Variants in DHX40 observed in about 807,000 individuals in gnomAD.
DHX40 encodes the protein DEAH-box helicase 40.
In DHX40, 28 loss-of-function variants were observed where a neutral mutation model predicts 89.6. The ratio of observed to expected loss-of-function variants is 0.31; its 90% CI spans 0.23 to 0.43. The LOEUF (loss-of-function observed/expected upper bound fraction) is 0.43. DHX40 is among the 20% of genes least tolerant of loss of function. The pLI, the probability that DHX40 is intolerant of heterozygous loss-of-function variation, is 1.00. For synonymous variants in DHX40, 226 were observed against 283.6 expected, an observed-to-expected ratio of 0.80 and a Z score of 2.04; for missense variants, 457 against 844.0, an observed-to-expected ratio of 0.54 and a Z score of 5.68.
rs2030770849 is a variant in DHX40, at chr17:59,605,243, A to G, written c.1971+59A>G. On this transcript the variant is annotated intron_variant, in intron 16 of 17. Transcript: ENST00000251241. The stretch of plus-strand genomic sequence containing the variant: ...TTGTAAAGTTGTAGAAATAAGTAAT[A>G]TACAAATGTCTTCTACTTTTCACTT... 19 of 1,507,630 alleles carry G rather than the reference A, an allele frequency of 1.3e-5. No individual in the cohort carries two copies. In the South Asian group the frequency reaches 2.2e-4, roughly 17 times the overall value. 93.4% of individuals were successfully genotyped at this position (1,507,630 alleles called of 1,614,324 possible).
chr17:59,607,013 T>G lies in DHX40; in HGVS notation c.2201-20T>G. Reference sequence around the variant, plus strand: ...AATCTCAAAGCTAAGTTTTATTGGATTAATTTGTAATGTTTTCAGATGGAA... The same window carrying G: ...AATCTCAAAGCTAAGTTTTATTGGAGTAATTTGTAATGTTTTCAGATGGAA... On this transcript the variant is annotated intron_variant, in intron 17 of 17. Transcript: ENST00000251241. 2 of 1,602,248 alleles carry G rather than the reference T, an allele frequency of 1.2e-6. No homozygotes were observed. The highest frequency in any genetic ancestry group is 1.3e-5 in the African/African-American group (1 of 74,368).
At chr17:59,591,872 T>C (rs573756968) in intron 12 of DHX40, among the ~76,000 whole-genome samples, 42 of 151,818 alleles carry the variant, frequency 2.8e-4, no homozygotes, top group African/African-American at 1.0e-3. Context: ...ATTCGGAAAT[T>C]GTTTTGTTTT....
chr17:59,600,133 T>A (rs1197448302), intron 14 of DHX40, among the ~76,000 whole-genome samples: 7 of 152,088 alleles, frequency 4.6e-5, no homozygotes, highest in Non-Finnish European at 1.0e-4. Flanking sequence ...CTCATTCCCT[T>A]TCATAATCCA....
intron 15 of DHX40, chr17:59,603,330 C>T (rs562104529): frequency 6.6e-6 from 1 of 152,132 alleles, no homozygotes; most frequent in South Asian, 2.1e-4. Flanking sequence ...TGTATATATG[C>T]CCTAGCTCTG....
chr17:59,601,391 G>A (rs951302209), intron 14 of DHX40, among the ~76,000 whole-genome samples: 3 of 151,974 alleles, frequency 2.0e-5, no homozygotes, highest in Non-Finnish European at 4.4e-5. Context: ...GTTTCGTTAT[G>A]AGTGTTTTCT....
chr17:59,575,523 G>A (rs2048868897), intron 7 of DHX40, 52 bp downstream of exon 7: 3 of 1,583,818 alleles, frequency 1.9e-6, no homozygotes. Flanking sequence ...ACTTTTTATT[G>A]AATAATCGTG....
In DHX40 at chr17:59,565,636, C is replaced by T. The variant is rs916516711; in HGVS notation, c.-36C>T. 5 of 1,569,902 alleles carry T rather than the reference C, an allele frequency of 3.2e-6. No homozygotes were observed. The African/African-American group carries it at 4.0e-5, about 13-fold the overall frequency. On this transcript the variant is annotated 5_prime_UTR_variant, in exon 1 of 18. Transcript: ENST00000251241. ...TCTTTCCCCTCCCATCTCCTCAGATCGGTGGACGTGCTCGCCTCCACTCGG... is the reference window on the plus strand; with the variant it reads ...TCTTTCCCCTCCCATCTCCTCAGATTGGTGGACGTGCTCGCCTCCACTCGG...
At chr17:59,583,613 G>A (rs1436554428) in intron 10 of DHX40, among the ~76,000 whole-genome samples, 1 of 142,238 alleles carries the variant, frequency 7.0e-6, no homozygotes, top group African/African-American at 2.4e-5. Flanking sequence ...GGGTGCGGTG[G>A]CTCACGCCTG....
intron 14 of DHX40, among the ~76,000 whole-genome samples, chr17:59,599,885 G>T (rs1194305196): frequency 2.0e-5 from 3 of 148,438 alleles, no homozygotes; most frequent in Admixed American, 6.7e-5. Context: ...GTGCAGTGGC[G>T]TGATCTCGGC....
At position 59,607,356 on chromosome 17, in the gene DHX40, A is replaced by G; in HGVS notation, c.*184A>G. ...CAGTTCCCATAAATGCAGTTGTCAAAGAAAAGATTTGGTTGCCATAGTCAT... is the reference window on the plus strand; with the variant it reads ...CAGTTCCCATAAATGCAGTTGTCAAGGAAAAGATTTGGTTGCCATAGTCAT... On this transcript the variant is annotated 3_prime_UTR_variant, in exon 18 of 18. Coordinates refer to ENST00000251241, the MANE Select transcript of DHX40 (RefSeq NM_024612.5). The G allele has an allele frequency of 8.1e-6, 10 of 1,227,628 alleles. No individual in the cohort carries two copies. Among genetic ancestry groups the G allele is most frequent in the Non-Finnish European group, 1.1e-5 (10 of 870,034 alleles). 76.0% of individuals were successfully genotyped at this position (1,227,628 alleles called of 1,614,324 possible).
chr17:59,601,387 T>C (rs1207287579), intron 14 of DHX40, among the ~76,000 whole-genome samples: 1 of 152,160 alleles, frequency 6.6e-6, no homozygotes, highest in Non-Finnish European at 1.5e-5. Context: ...CTCTGTTTCG[T>C]TATGAGTGTT....
intron 3 of DHX40, among the ~76,000 whole-genome samples, chr17:59,571,215 T>C (rs2048802783): frequency 6.6e-6 from 1 of 152,138 alleles, no homozygotes; most frequent in African/African-American, 2.4e-5. Context: ...CCCATCACTT[T>C]GGGAGGCCGA....
chr17:59,586,892 G>A (rs1451067603), intron 11 of DHX40, among the ~76,000 whole-genome samples: 2 of 151,488 alleles, frequency 1.3e-5, no homozygotes, highest in Non-Finnish European at 2.9e-5. Context: ...GGTGGCTCAC[G>A]CCTGTAATTC....
intron 14 of DHX40, among the ~76,000 whole-genome samples, chr17:59,600,370 C>G (rs934520976): frequency 6.6e-6 from 1 of 151,398 alleles, no homozygotes; most frequent in Non-Finnish European, 1.5e-5. Context: ...CTTAACTTTG[C>G]AGTTTTTAAG....
chr17:59,589,491 G>T (rs1295367815), intron 12 of DHX40, among the ~76,000 whole-genome samples: 1 of 143,524 alleles, frequency 7.0e-6, no homozygotes, highest in African/African-American at 2.6e-5. Flanking sequence ...AAAGTGCTGG[G>T]ATTACAGGCG....
At chr17:59,583,662 C>T (rs1365054682) in intron 10 of DHX40, among the ~76,000 whole-genome samples, 10 of 135,914 alleles carry the variant, frequency 7.4e-5, no homozygotes, top group African/African-American at 2.5e-4. Context: ...GGGCGGATTG[C>T]GAGGTCAGGA....
intron 15 of DHX40, 136 bp downstream of exon 15, chr17:59,602,752 G>A: frequency 1.3e-6 from 1 of 775,472 alleles, no homozygotes; most frequent in Non-Finnish European, 2.0e-6. Context: ...AGTGACGAGG[G>A]AGAGCTACAG....
At chr17:59,588,219 TAAAAAAAA>T (rs1169868073) in intron 12 of DHX40, among the ~76,000 whole-genome samples, 166 bp downstream of exon 12, 3 of 67,808 alleles carry the variant, frequency 4.4e-5, no homozygotes, top group South Asian at 3.6e-4. Flanking sequence ...CCATCTCTAC[TAAAAAAAA>T]AAAAAAAAAA....
intron 10 of DHX40, among the ~76,000 whole-genome samples, chr17:59,581,805 C>T (rs77477450): frequency 0.086 from 10,387 of 120,974 alleles, 3,659 homozygotes; most frequent in African/African-American, 0.36. Flanking sequence ...ACCCCAAAAC[C>T]CACAAATACT....
Sources: allele counts gnomAD v4.1 joint callset (sites outside exome capture counted in the v4.1 genomes callset), GRCh38; gene constraint gnomAD v4.1.1; transcripts MANE v1.5; gene names NCBI Gene and HGNC (gene_info 2026-07-23, HGNC 2026-07-21).